The following AKR1B1 variants were observed in gnomAD, a reference collection of about 807,000 sequenced individuals.
AKR1B1 encodes aldo-keto reductase family 1 member B.
A neutral mutation model predicts 40.4 loss-of-function variants in AKR1B1; 22 were observed. The ratio of observed to expected loss-of-function variants is 0.54; its 90% CI spans 0.39 to 0.78. AKR1B1 has a LOEUF of 0.78. Ranked by LOEUF, AKR1B1 falls within the 30% of genes least tolerant of loss-of-function variation. The pLI is 0.00. For missense variants in AKR1B1, 357 were observed against 396.7 expected (o/e 0.90, Z 0.85); for synonymous variants, 157 against 149.9 (o/e 1.05, Z -0.35).
At chr7:134,450,131 C>T (rs1035781147) in intron 3 of AKR1B1, among the ~76,000 whole-genome samples, 25 of 152,314 alleles carry the variant, frequency 1.6e-4, no homozygotes, top group African/African-American at 5.5e-4. Context: ...ACCACCTGGC[C>T]CAGCCTCCCC....
rs932465710 is a variant in AKR1B1, at chr7:134,449,706, A to G, written c.429+14T>C. ...CCAGTCACGAAAACAAGGTCCAACC[A>G]GGGGCTGTCTTACCGCCCACGTGTC... On this transcript the variant is annotated intron_variant, in intron 4 of 9. Transcript: ENST00000285930. The G allele has an allele frequency of 2.5e-6, 4 of 1,608,766 alleles. No homozygotes were observed. The African/African-American group carries it at 5.3e-5, about 22-fold the overall frequency.
chr7:134,451,458 C>A (rs141972440), intron 2 of AKR1B1, 128 bp downstream of exon 2: 1 of 1,204,032 alleles, frequency 8.3e-7, no homozygotes, highest in East Asian at 2.4e-5. Flanking sequence ...GTGGGTGATA[C>A]GTTTCCCCGG....
intron 4 of AKR1B1, chr7:134,449,416 C>A: frequency 1.8e-6 from 1 of 556,998 alleles, no homozygotes; most frequent in Non-Finnish European, 3.2e-6. Flanking sequence ...GAAACCCCGT[C>A]TCTACTAAAA....
intron 9 of AKR1B1, 144 bp downstream of exon 9, chr7:134,445,094 G>T (rs184117128): frequency 6.6e-6 from 5 of 757,086 alleles, no homozygotes; most frequent in Non-Finnish European, 9.2e-6. Flanking sequence ...TGCAAGTCAC[G>T]TGGCTGAGAA....
At chr7:134,443,957 G>A (rs185412603) in intron 9 of AKR1B1, among the ~76,000 whole-genome samples, 60 of 152,196 alleles carry the variant, frequency 3.9e-4, no homozygotes, top group South Asian at 1.2e-3. Flanking sequence ...CAGGATAATC[G>A]AACAGAAGTT....
At chr7:134,453,694 C>T (rs76985989) in intron 1 of AKR1B1, among the ~76,000 whole-genome samples, 15 of 152,206 alleles carry the variant, frequency 9.9e-5, no homozygotes, top group African/African-American at 3.4e-4. Context: ...CAAGAGGTCA[C>T]GAAGAAGCTG....
intron 4 of AKR1B1, 26 bp downstream of exon 4, chr7:134,449,694 C>T: frequency 6.2e-7 from 1 of 1,600,304 alleles, no homozygotes; most frequent in Non-Finnish European, 8.6e-7. Flanking sequence ...GTCACGAAAA[C>T]AAGGTCCAAC....
intron 1 of AKR1B1, among the ~76,000 whole-genome samples, chr7:134,457,835 C>T (rs1371071817): frequency 6.6e-6 from 1 of 151,928 alleles, no homozygotes; most frequent in African/African-American, 2.4e-5. Flanking sequence ...ACTGTCTCTG[C>T]GGGGAAGAAA....
In AKR1B1 at chr7:134,442,666, G is replaced by A. The variant is rs2117443022; in HGVS notation, c.*62C>T. The A allele has an allele frequency of 2.5e-6, 4 of 1,569,238 alleles. No homozygotes were observed. The South Asian group carries it at 4.5e-5, about 17-fold the overall frequency. ...ACACAGGCCATACTACATTTGCAAGGAAAAAAATGAGGCAAGAAACACAGG... is the reference window on the plus strand; with the variant it reads ...ACACAGGCCATACTACATTTGCAAGAAAAAAAATGAGGCAAGAAACACAGG... On this transcript the variant is annotated 3_prime_UTR_variant, in exon 10 of 10. Transcript: ENST00000285930.
intron 6 of AKR1B1, 96 bp from the exon 7 acceptor site, chr7:134,448,157 C>T (rs927655324): frequency 9.3e-7 from 1 of 1,075,790 alleles, no homozygotes; most frequent in Non-Finnish European, 1.4e-6. Context: ...CCTCAGAGGG[C>T]AGCCACCAGT....
intron 9 of AKR1B1, chr7:134,444,849 C>T (rs1004877460): frequency 1.5e-5 from 5 of 332,506 alleles, no homozygotes; most frequent in Admixed American, 8.1e-5. Flanking sequence ...CAGGGGCTCC[C>T]GACCAAACCC....
In AKR1B1 at chr7:134,442,567, G is replaced by A. The variant is rs888528603; in HGVS notation, c.*161C>T. On this transcript the variant is annotated 3_prime_UTR_variant, in exon 10 of 10. Transcript: ENST00000285930. ...AAGAGACTTCTACTCTACTGACAGG[G>A]CTCTTGAGATCCAACATCAAGCTAG... 2 of 641,422 alleles carry A rather than the reference G, an allele frequency of 3.1e-6. No homozygotes were observed. Among genetic ancestry groups the A allele is most frequent in the Non-Finnish European group, 5.6e-6 (2 of 358,108 alleles). The allele number at this position is 641,422 out of a possible 1,614,324, so 39.7% of individuals were successfully genotyped here. A position where few individuals can be genotyped will look rare whatever the true frequency, so the allele number is the denominator to read the frequency against.
intron 1 of AKR1B1, among the ~76,000 whole-genome samples, chr7:134,454,283 A>C (rs1806396341): frequency 6.6e-6 from 1 of 152,192 alleles, no homozygotes; most frequent in East Asian, 1.9e-4. Flanking sequence ...GATGGCACCA[A>C]GTGATGGCAG....
chr7:134,444,102 G>C (rs758245045), intron 9 of AKR1B1, among the ~76,000 whole-genome samples: 3 of 152,240 alleles, frequency 2.0e-5, no homozygotes, highest in Non-Finnish European at 4.4e-5. Flanking sequence ...GGATGAATGG[G>C]AGAGATTCTG....
intron 9 of AKR1B1, among the ~76,000 whole-genome samples, chr7:134,444,221 T>C (rs1806026220): frequency 6.6e-6 from 1 of 152,226 alleles, no homozygotes; most frequent in African/African-American, 2.4e-5. Context: ...CAGAGATGTC[T>C]GAAAGGGCAC....
chr7:134,448,243 C>T (rs1298778305), intron 6 of AKR1B1, 144 bp downstream of exon 6: 51 of 938,078 alleles, frequency 5.4e-5, no homozygotes, highest in Non-Finnish European at 3.2e-5. Flanking sequence ...GAAACTCCAA[C>T]CCTTCCAGGA....
chr7:134,458,913 A>T, intron 1 of AKR1B1, 84 bp downstream of exon 1: 1 of 1,460,082 alleles, frequency 6.8e-7, no homozygotes, highest in Non-Finnish European at 9.4e-7. Context: ...CGAGCTGCTC[A>T]GGGTCACTCG....
chr7:134,444,053 C>T (rs1226816707), intron 9 of AKR1B1, among the ~76,000 whole-genome samples: 1 of 152,194 alleles, frequency 6.6e-6, no homozygotes, highest in Non-Finnish European at 1.5e-5. Context: ...CTGAAAGCTT[C>T]AATCCACTCT....
At chr7:134,443,947 C>G (rs1232538072) in intron 9 of AKR1B1, among the ~76,000 whole-genome samples, 1 of 152,062 alleles carries the variant, frequency 6.6e-6, no homozygotes, top group East Asian at 1.9e-4. Context: ...CGCCACGCAA[C>G]AGGATAATCG....
Sources: gnomAD v4.1 joint callset for allele counts (sites outside exome capture counted in the v4.1 genomes callset) on GRCh38, gnomAD v4.1.1 for gene constraint, MANE v1.5 for transcripts, NCBI Gene and HGNC (gene_info 2026-07-23, HGNC 2026-07-21) for gene names.